Variants in GSK3B observed in about 807,000 individuals in gnomAD.
GSK3B encodes the protein glycogen synthase kinase 3 beta.
In GSK3B, 15 loss-of-function variants were observed where a neutral mutation model predicts 56.4. The observed-to-expected ratio is 0.27, with a 90% confidence interval of 0.18 to 0.41. The LOEUF is 0.41. Among genes scored for constraint, GSK3B ranks in the 10% least tolerant of loss-of-function variants. The pLI is 1.00. For synonymous variants in GSK3B, 181 were observed against 188.9 expected, an observed-to-expected ratio of 0.96 and a Z score of 0.34; for missense variants, 300 against 513.4, an observed-to-expected ratio of 0.58 and a Z score of 4.02.
At chr3:119,943,800 G>A (rs532188757) in intron 3 of GSK3B, among the ~76,000 whole-genome samples, 1 of 151,732 alleles carries the variant, frequency 6.6e-6, no homozygotes, top group South Asian at 2.1e-4. Context: ...AGAAGAGAGA[G>A]ACAAGAAAGA....
intron 1 of GSK3B, among the ~76,000 whole-genome samples, chr3:120,013,124 C>G (rs1187256929): frequency 6.6e-6 from 1 of 152,174 alleles, no homozygotes; most frequent in Non-Finnish European, 1.5e-5. Flanking sequence ...GAAGTCTTCT[C>G]AAGTCACTCC....
chr3:120,059,612 G>A (rs2107550970), intron 1 of GSK3B, among the ~76,000 whole-genome samples: 1 of 152,332 alleles, frequency 6.6e-6, no homozygotes, highest in Middle Eastern at 3.4e-3. Context: ...GAATCTTAGT[G>A]AGAAAGCAAG....
chr3:120,083,351 A>G (rs1474322549), intron 1 of GSK3B, among the ~76,000 whole-genome samples: 1 of 152,170 alleles, frequency 6.6e-6, no homozygotes, highest in Non-Finnish European at 1.5e-5. Flanking sequence ...CCTGGAGAAC[A>G]ACTAGATCAG....
intron 1 of GSK3B, among the ~76,000 whole-genome samples, chr3:120,088,579 T>G (rs1198787423): frequency 6.6e-6 from 1 of 152,178 alleles, no homozygotes; most frequent in Non-Finnish European, 1.5e-5. Context: ...TTCTGAACAA[T>G]GAAAATGCTT....
intron 1 of GSK3B, among the ~76,000 whole-genome samples, chr3:120,005,545 A>G (rs1236974658): frequency 1.3e-5 from 2 of 152,214 alleles, no homozygotes; most frequent in Non-Finnish European, 2.9e-5. Flanking sequence ...GTTACCCACA[A>G]AGGGAAGGCC....
At chr3:119,981,915 A>T (rs1359517139) in intron 2 of GSK3B, among the ~76,000 whole-genome samples, 1 of 152,226 alleles carries the variant, frequency 6.6e-6, no homozygotes, top group East Asian at 1.9e-4. Flanking sequence ...ACCCCCGTAT[A>T]GCCTAACTGG....
intron 7 of GSK3B, among the ~76,000 whole-genome samples, chr3:119,899,337 G>T (rs1047989306): frequency 1.3e-5 from 2 of 152,134 alleles, no homozygotes; most frequent in African/African-American, 4.8e-5. Context: ...TAAAACAGTA[G>T]AAAGTGATAC....
chr3:119,996,429 T>C (rs2107474264), intron 2 of GSK3B, among the ~76,000 whole-genome samples: 1 of 152,342 alleles, frequency 6.6e-6, no homozygotes, highest in South Asian at 2.1e-4. Flanking sequence ...CTTTGGGTGC[T>C]CTCTTGCTTT....
intron 9 of GSK3B, among the ~76,000 whole-genome samples, chr3:119,852,316 T>C (rs575762841): frequency 6.6e-6 from 1 of 152,264 alleles, no homozygotes; most frequent in African/African-American, 2.4e-5. Context: ...TTTAAAGTTC[T>C]AGTGATGTAC....
chr3:119,840,559 G>GT (rs1559803418), intron 10 of GSK3B, among the ~76,000 whole-genome samples: 4 of 152,098 alleles, frequency 2.6e-5, no homozygotes, highest in Non-Finnish European at 5.9e-5. Flanking sequence ...ACAAAAGAAT[G>GT]TAACTCACAA....
At chr3:119,976,538 T>C (rs1366194295) in intron 2 of GSK3B, among the ~76,000 whole-genome samples, 1 of 152,108 alleles carries the variant, frequency 6.6e-6, no homozygotes. Context: ...ATCAGTAGTT[T>C]CCAGGGCCTG....
rs532198568 is a variant in GSK3B at position 120,032,296 on chromosome 3, G to T, written c.89-30057C>A. ...TCAATATCAGCCTGGCCGATATGGT[G>T]AAACCCCGTCTCTACTAAAAATACA... On this transcript the variant is annotated intron_variant, in intron 1 of 10. Transcript: ENST00000264235. 5.2e-4 allele frequency among the ~76,000 whole-genome samples: 79 copies of T among 152,182 alleles called. 1 individual carries two copies. The highest frequency in any genetic ancestry group is 1.8e-3 in the African/African-American group (73 of 41,512).
intron 10 of GSK3B, among the ~76,000 whole-genome samples, chr3:119,837,943 C>CATATATATATATAT (rs10574860): frequency 7.2e-5 from 10 of 138,590 alleles, no homozygotes; most frequent in African/African-American, 1.6e-4. Context: ...TGACCATTCA[C>CATATATATATATAT]ATATATATAT....
intron 1 of GSK3B, chr3:120,029,178 A>G (rs1416715369): frequency 1.5e-5 from 10 of 685,084 alleles, no homozygotes; most frequent in Non-Finnish European, 2.7e-5. Context: ...CACAAAAAAG[A>G]GACTTCAGAA....
At chr3:119,831,383 C>T (rs185254973) in intron 10 of GSK3B, among the ~76,000 whole-genome samples, 1 of 152,134 alleles carries the variant, frequency 6.6e-6, no homozygotes, top group East Asian at 1.9e-4. Context: ...GTGGGCCGGG[C>T]GCGGTGGCTC....
At chr3:119,969,685 T>C (rs1268625745) in intron 2 of GSK3B, among the ~76,000 whole-genome samples, 2 of 152,170 alleles carry the variant, frequency 1.3e-5, no homozygotes, top group Non-Finnish European at 2.9e-5. Flanking sequence ...CAAACAAATA[T>C]GGTCAACTAA....
chr3:120,030,368 A>C (rs1215591199), intron 1 of GSK3B, among the ~76,000 whole-genome samples: 1 of 152,202 alleles, frequency 6.6e-6, no homozygotes, highest in Non-Finnish European at 1.5e-5. Flanking sequence ...TCTGTAGACC[A>C]GACTACTCTT....
At chr3:119,960,438 A>C (rs77978579) in intron 2 of GSK3B, among the ~76,000 whole-genome samples, 3,423 of 152,264 alleles carry the variant, frequency 0.022, 108 homozygotes, top group African/African-American at 0.077. Context: ...AAATATATAC[A>C]CATACAGCTC....
intron 1 of GSK3B, among the ~76,000 whole-genome samples, chr3:120,042,024 G>A (rs1254774157): frequency 6.6e-6 from 1 of 152,108 alleles, no homozygotes; most frequent in Non-Finnish European, 1.5e-5. Context: ...TAACAGTAAG[G>A]TCAAAACCTT....
Sources: allele counts gnomAD v4.1 joint callset (sites outside exome capture counted in the v4.1 genomes callset), GRCh38; gene constraint gnomAD v4.1.1; transcripts MANE v1.5; gene names NCBI Gene and HGNC (gene_info 2026-07-23, HGNC 2026-07-21).